Variants in RABEP1 observed in about 807,000 individuals in gnomAD.
RABEP1 encodes rab GTPase-binding effector protein 1.
RABEP1 carries 51 observed loss-of-function variants against 123.4 expected under a neutral mutation model. The observed-to-expected ratio is 0.41, with a 90% CI of 0.33 to 0.52. The LOEUF is 0.52. Among genes scored for constraint, RABEP1 ranks in the 20% least tolerant of loss-of-function variants. The pLI, the probability that RABEP1 is intolerant of heterozygous loss-of-function variation, is 0.16. For missense variants in RABEP1, 888 were observed against 996.3 expected (o/e 0.89, Z 1.46); for synonymous variants, 347 against 355.2 (o/e 0.98, Z 0.26).
chr17:5,347,681 C>T (rs992076490), intron 6 of RABEP1, among the ~76,000 whole-genome samples: 3 of 152,134 alleles, frequency 2.0e-5, no homozygotes, highest in Non-Finnish European at 4.4e-5. Context: ...CTCTATTTTC[C>T]AGGGGTACAT....
intron 6 of RABEP1, among the ~76,000 whole-genome samples, chr17:5,348,433 G>A (rs1236343270): frequency 6.6e-6 from 1 of 152,218 alleles, no homozygotes; most frequent in Non-Finnish European, 1.5e-5. Flanking sequence ...AGCACAATTA[G>A]AATACAAGAG....
intron 11 of RABEP1, 33 bp downstream of exon 11, chr17:5,365,271 G>A (rs928202469): frequency 7.5e-7 from 1 of 1,335,078 alleles, no homozygotes; most frequent in Non-Finnish European, 1.0e-6. Context: ...TGGCCCATGA[G>A]GGATGACTGG....
intron 13 of RABEP1, among the ~76,000 whole-genome samples, chr17:5,374,581 C>T (rs1174285813): frequency 1.3e-5 from 2 of 150,962 alleles, no homozygotes; most frequent in South Asian, 4.1e-4. Flanking sequence ...GGATTACAGG[C>T]GTGCGCCAGC....
intron 12 of RABEP1, among the ~76,000 whole-genome samples, chr17:5,369,769 C>T (rs754472420): frequency 5.3e-5 from 8 of 151,616 alleles, no homozygotes; most frequent in Non-Finnish European, 1.0e-4. Context: ...GGCGCAATCT[C>T]GGCTCACTGC....
chr17:5,328,090 A>G (rs1007556161), intron 2 of RABEP1, among the ~76,000 whole-genome samples: 3 of 152,224 alleles, frequency 2.0e-5, no homozygotes, highest in Non-Finnish European at 1.5e-5. Context: ...AGTAACTGCA[A>G]AAGAACATTA....
chr17:5,325,533 T>G (rs62075129), intron 2 of RABEP1, among the ~76,000 whole-genome samples: 50,856 of 151,820 alleles, frequency 0.33, 9,113 homozygotes, highest in African/African-American at 0.47. Context: ...AGCGGGGGTC[T>G]GGGGAGATGA....
rs2074932546 is a variant in RABEP1, at chr17:5,282,370, C to T, written c.-117C>T. Reference sequence around the variant, plus strand: ...CCGGCGGATCCAGCCTTAGCGGTTTCTCTCTGGGCGGCGGCGGCGGCGGCT... The same window carrying T: ...CCGGCGGATCCAGCCTTAGCGGTTTTTCTCTGGGCGGCGGCGGCGGCGGCT... On this transcript the variant is annotated 5_prime_UTR_variant, in exon 1 of 18. Transcript: ENST00000537505. The T allele has an allele frequency of 2.3e-6, 2 of 868,120 alleles. No individual in the cohort carries two copies. The highest frequency in any genetic ancestry group is 3.1e-6 in the Non-Finnish European group (2 of 638,140). The allele number at this position is 868,120 out of a possible 1,614,324, so 53.8% of individuals were successfully genotyped here.
At chr17:5,350,403 C>T (rs776573231) in intron 6 of RABEP1, 48 bp from the exon 7 acceptor site, 4 of 1,562,444 alleles carry the variant, frequency 2.6e-6, no homozygotes, top group Non-Finnish European at 3.5e-6. Flanking sequence ...AATTGCCTAC[C>T]ATTAAAATTC....
intron 1 of RABEP1, 104 bp downstream of exon 1, chr17:5,282,624 C>G (rs1270099401): frequency 3.8e-6 from 3 of 798,732 alleles, no homozygotes. Flanking sequence ...GCGCGCAGGC[C>G]CCGGGGGTGA....
At chr17:5,298,094 G>C (rs569442530) in intron 1 of RABEP1, among the ~76,000 whole-genome samples, 2 of 152,206 alleles carry the variant, frequency 1.3e-5, no homozygotes, top group East Asian at 3.9e-4. Context: ...GTATGACCTT[G>C]CTATTTCGGA....
rs748987690 is a variant in RABEP1 at position 5,373,385 on chromosome 17, C to T, written c.1956C>T (p.Leu652=). The T allele has an allele frequency of 2.5e-6, 4 of 1,612,906 alleles. No individual in the cohort carries two copies. The South Asian group carries it at 4.4e-5, about 18-fold the overall frequency. The change falls in exon 13 of 18, where the codon CTC becomes CTT. Residue 652 remains leucine, a synonymous_variant. Transcript: ENST00000537505. Reference sequence around the variant, plus strand: ...GGTTACAGAAAGATAATGACAGTCTCCAGGGAAAGCACAGCCTGCATGTGT... The same window carrying T: ...GGTTACAGAAAGATAATGACAGTCTTCAGGGAAAGCACAGCCTGCATGTGT... ...LVRLQKDNDS[L]QGKHSLHVSL...
intron 7 of RABEP1, 121 bp downstream of exon 7, chr17:5,350,750 T>C (rs1017212329): frequency 4.1e-5 from 44 of 1,074,930 alleles, no homozygotes; most frequent in South Asian, 1.4e-4. Flanking sequence ...AAAGGTGATA[T>C]GTGCCACTTT....
At chr17:5,353,986 AAAAC>A (rs1908789198) in intron 7 of RABEP1, among the ~76,000 whole-genome samples, 1 of 152,200 alleles carries the variant, frequency 6.6e-6, no homozygotes, top group Non-Finnish European at 1.5e-5. Flanking sequence ...CCTTGTCTCA[AAAAC>A]AAACTTTTTC....
chr17:5,364,136 G>T (rs972733990), intron 10 of RABEP1, among the ~76,000 whole-genome samples: 3 of 152,174 alleles, frequency 2.0e-5, no homozygotes, highest in Admixed American at 2.0e-4. Context: ...AAATGTATTT[G>T]CAAAACTAAT....
intron 1 of RABEP1, among the ~76,000 whole-genome samples, chr17:5,306,399 G>A (rs1175393801): frequency 6.6e-6 from 1 of 152,142 alleles, no homozygotes; most frequent in Non-Finnish European, 1.5e-5. Flanking sequence ...AGGCCGAGGT[G>A]GGTGGATCAC....
At chr17:5,382,654 A>G (rs1047438374) in intron 17 of RABEP1, among the ~76,000 whole-genome samples, 1 of 151,974 alleles carries the variant, frequency 6.6e-6, no homozygotes, top group Admixed American at 6.6e-5. Flanking sequence ...TGGGAGGCTG[A>G]GACAGGAGAA....
chr17:5,292,462 AC>A (rs1681457072), intron 1 of RABEP1, among the ~76,000 whole-genome samples: 1 of 151,906 alleles, frequency 6.6e-6, no homozygotes, highest in Non-Finnish European at 1.5e-5. Context: ...ATCTTGGCTC[AC>A]TGCTACCTCC....
intron 1 of RABEP1, among the ~76,000 whole-genome samples, chr17:5,301,031 C>T (rs1654773574): frequency 6.6e-6 from 1 of 152,200 alleles, no homozygotes; most frequent in Non-Finnish European, 1.5e-5. Context: ...CCCAGAGCTA[C>T]ACTTGGAGAA....
chr17:5,290,017 T>C (rs2075017649), intron 1 of RABEP1, among the ~76,000 whole-genome samples: 1 of 152,206 alleles, frequency 6.6e-6, no homozygotes, highest in East Asian at 1.9e-4. Context: ...TATCATATGC[T>C]AGGTTTTTAT....
Sources: gnomAD v4.1 joint callset for allele counts (sites outside exome capture counted in the v4.1 genomes callset) on GRCh38, gnomAD v4.1.1 for gene constraint, MANE v1.5 for transcripts, NCBI Gene and HGNC (gene_info 2026-07-23, HGNC 2026-07-21) for gene names.